The following MRPL48 variants were observed in gnomAD, a reference collection of about 807,000 sequenced individuals.
The protein encoded by MRPL48 is mitochondrial ribosomal protein L48.
MRPL48 carries 16 observed loss-of-function variants against 32.9 expected under a neutral mutation model. The observed-to-expected ratio is 0.49, with a 90% CI of 0.33 to 0.74. MRPL48 has a LOEUF of 0.74. Ranked by LOEUF, MRPL48 falls within the 30% of genes least tolerant of loss-of-function variation. The probability of loss-of-function intolerance (pLI) is 0.02; values close to 1 mark genes in which losing one functional copy is unlikely to be tolerated. For synonymous variants in MRPL48, 94 were observed against 89.2 expected, an observed-to-expected ratio of 1.05 and a Z score of -0.31; for missense variants, 206 against 245.3, an observed-to-expected ratio of 0.84 and a Z score of 1.07.
intron 3 of MRPL48, among the ~76,000 whole-genome samples, chr11:73,812,756 T>TTTA (rs1947592262): frequency 7.1e-6 from 1 of 139,926 alleles, no homozygotes; most frequent in African/African-American, 2.7e-5. Context: ...TTATTTATTT[T>TTTA]TTATTGTTTT....
chr11:73,801,604 G>A (rs182453435), intron 1 of MRPL48, among the ~76,000 whole-genome samples: 12 of 151,894 alleles, frequency 7.9e-5, no homozygotes, highest in Admixed American at 5.9e-4. Context: ...TTATCTTTCC[G>A]CCTCCTAATT....
At chr11:73,835,972 C>T (rs1670290132) in intron 4 of MRPL48, among the ~76,000 whole-genome samples, 2 of 151,902 alleles carry the variant, frequency 1.3e-5, no homozygotes, top group South Asian at 4.2e-4. Context: ...GTCTCACTGT[C>T]GCCCAGGTTG....
intron 1 of MRPL48, 30 bp downstream of exon 1, chr11:73,788,022 G>T (rs770843176): frequency 6.9e-7 from 1 of 1,451,444 alleles, no homozygotes; most frequent in Non-Finnish European, 9.4e-7. Flanking sequence ...CGCGGGGCGC[G>T]GGGAGATGGC....
chr11:73,840,027 G>T (rs964989592), intron 4 of MRPL48, among the ~76,000 whole-genome samples: 6 of 151,228 alleles, frequency 4.0e-5, no homozygotes, highest in South Asian at 2.1e-4. Context: ...GAGACCCGGA[G>T]TTCCAGGCTG....
At chr11:73,809,414 G>A (rs1030007907) in intron 3 of MRPL48, among the ~76,000 whole-genome samples, 1 of 149,776 alleles carries the variant, frequency 6.7e-6, no homozygotes, top group Non-Finnish European at 1.5e-5. Context: ...TGAGGCAGGA[G>A]AATTGTTTGA....
intron 4 of MRPL48, among the ~76,000 whole-genome samples, chr11:73,826,715 A>G (rs1565097719): frequency 6.6e-6 from 1 of 151,224 alleles, no homozygotes; most frequent in Non-Finnish European, 1.5e-5. Context: ...CCTGACCCCA[A>G]GTGATCTGCC....
intron 3 of MRPL48, among the ~76,000 whole-genome samples, chr11:73,808,795 CGCCTGTAA>C (rs1286897607): frequency 1.3e-5 from 2 of 152,122 alleles, no homozygotes; most frequent in East Asian, 3.9e-4. Context: ...TGGTGGCAGG[CGCCTGTAA>C]TCCCAGCTAC....
intron 1 of MRPL48, 82 bp downstream of exon 1, chr11:73,788,074 G>A: frequency 3.8e-6 from 6 of 1,571,568 alleles, no homozygotes; most frequent in Admixed American, 1.8e-5. Flanking sequence ...TGCAGAGCGG[G>A]GAGGTGGCGG....
intron 3 of MRPL48, among the ~76,000 whole-genome samples, chr11:73,818,579 C>G (rs1407230718): frequency 6.6e-6 from 1 of 152,200 alleles, no homozygotes; most frequent in Non-Finnish European, 1.5e-5. Context: ...TATACACTTA[C>G]TGAGCACATA....
intron 5 of MRPL48, among the ~76,000 whole-genome samples, chr11:73,853,144 C>CA (rs34246504): frequency 0.51 from 77,988 of 151,752 alleles, 21,358 homozygotes; most frequent in African/African-American, 0.72. Context: ...TAATGGGTAT[C>CA]AAAAATAGAA....
chr11:73,802,715 T>G (rs376578177), intron 1 of MRPL48, among the ~76,000 whole-genome samples: 3 of 152,072 alleles, frequency 2.0e-5, no homozygotes, highest in African/African-American at 7.2e-5. Context: ...TTTTTTTAAC[T>G]TGAGACAGGG....
chr11:73,854,179 T>C (rs1948449368), intron 5 of MRPL48, among the ~76,000 whole-genome samples: 1 of 152,238 alleles, frequency 6.6e-6, no homozygotes, highest in Admixed American at 6.5e-5. Context: ...ACGGAATTGC[T>C]GTTTTCCCTT....
At chr11:73,796,071 A>G (rs952769124) in intron 1 of MRPL48, among the ~76,000 whole-genome samples, 6 of 152,268 alleles carry the variant, frequency 3.9e-5, no homozygotes, top group Non-Finnish European at 5.9e-5. Flanking sequence ...TGGCTGCAGC[A>G]GGGAGGCGTG....
At position 73,860,017 on chromosome 11, in the gene MRPL48, C is replaced by T; in HGVS notation, c.474+8C>T. The T allele has an allele frequency of 6.2e-7, 1 of 1,607,178 alleles. No individual in the cohort carries two copies. The highest frequency in any genetic ancestry group is 1.3e-5 in the African/African-American group (1 of 74,850). ...CATGAGCGAGTGGTTCAGGTAGGCA[C>T]TCCAGGAGAATAAAAAATGTATTTG... On this transcript the variant is annotated splice_region_variant and intron_variant, in intron 6 of 7. Transcript: ENST00000310614.
intron 3 of MRPL48, among the ~76,000 whole-genome samples, chr11:73,821,754 T>C (rs1947787185): frequency 6.6e-6 from 1 of 152,200 alleles, no homozygotes; most frequent in African/African-American, 2.4e-5. Flanking sequence ...TTGTTCATTG[T>C]TGTAGCCCCA....
At chr11:73,794,330 G>A (rs531154289) in intron 1 of MRPL48, among the ~76,000 whole-genome samples, 2 of 151,938 alleles carry the variant, frequency 1.3e-5, no homozygotes, top group Admixed American at 6.6e-5. Flanking sequence ...CTGAGGCAGC[G>A]GGATCTCCTG....
At chr11:73,862,347 G>A (rs1309924629) in intron 6 of MRPL48, among the ~76,000 whole-genome samples, 1 of 152,096 alleles carries the variant, frequency 6.6e-6, no homozygotes, top group Non-Finnish European at 1.5e-5. Context: ...GCTTGAACCC[G>A]GGAGGTAGAG....
chr11:73,824,674 C>A (rs1947851427), intron 3 of MRPL48, among the ~76,000 whole-genome samples: 1 of 151,728 alleles, frequency 6.6e-6, no homozygotes, highest in Non-Finnish European at 1.5e-5. Context: ...TATATAGTCA[C>A]AGTTAGAAAA....
At chr11:73,837,525 C>T (rs1948125636) in intron 4 of MRPL48, among the ~76,000 whole-genome samples, 1 of 152,192 alleles carries the variant, frequency 6.6e-6, no homozygotes. Context: ...AATAACTTAC[C>T]TTCAGAGGAC....
Sources: gnomAD v4.1 joint callset for allele counts (sites outside exome capture counted in the v4.1 genomes callset) on GRCh38, gnomAD v4.1.1 for gene constraint, MANE v1.5 for transcripts, NCBI Gene and HGNC (gene_info 2026-07-23, HGNC 2026-07-21) for gene names.